The following EPSTI1 variants were observed in gnomAD, a reference collection of about 807,000 sequenced individuals.
EPSTI1 encodes epithelial-stromal interaction protein 1.
A neutral mutation model predicts 49.9 loss-of-function variants in EPSTI1; 66 were observed. The observed-to-expected ratio is 1.32, with a 90% CI of 1.08 to 1.62. The LOEUF is 1.62. Among genes scored for constraint, EPSTI1 ranks in the 40% most tolerant of loss-of-function variants. The pLI, the probability that EPSTI1 is intolerant of heterozygous loss-of-function variation, is 0.00. For missense variants in EPSTI1, 394 were observed against 365.5 expected, an observed-to-expected ratio of 1.08 and a Z score of -0.64; for synonymous variants, 137 against 130.7, an observed-to-expected ratio of 1.05 and a Z score of -0.33.
intron 6 of EPSTI1, among the ~76,000 whole-genome samples, chr13:42,938,914 C>CAAAAAAAAAAAAAAAAAAAAAAAAAAA (rs57079104): frequency 1.7e-5 from 1 of 59,676 alleles, no homozygotes; most frequent in Non-Finnish European, 2.8e-5. Flanking sequence ...GACTCTGTCT[C>CAAAAAAAAAAAAAAAAAAAAAAAAAAA]AAAAAAAAAA....
At position 42,922,752 on chromosome 13, in the gene EPSTI1, G is replaced by A. The variant is rs369484574; in HGVS notation, c.657+3584C>T. Among the ~76,000 whole-genome samples, 8 of 152,180 alleles carry A rather than the reference G, an allele frequency of 5.3e-5. No homozygotes were observed. The highest frequency in any genetic ancestry group is 3.8e-4 in the East Asian group (2 of 5,196). ...TTCTTAATGAATGAGCATGTGACAC[G>A]TAGATAAAAATTACAATAATCAACC... is the stretch of plus-strand genomic sequence containing the variant. On this transcript the variant is annotated intron_variant, in intron 7 of 10. Transcript: ENST00000313624. This position sits in a 1 kb window ranked among gnomAD's most constrained non-coding sequence, Gnocchi z 4.8.
chr13:42,916,359 A>G (rs184543392), intron 8 of EPSTI1, among the ~76,000 whole-genome samples: 262 of 152,178 alleles, frequency 1.7e-3, no homozygotes, highest in African/African-American at 5.9e-3. Flanking sequence ...TACAACTCGC[A>G]TGATTTCTTT....
chr13:42,952,667 G>A (rs1265259140), intron 6 of EPSTI1, among the ~76,000 whole-genome samples: 1 of 152,184 alleles, frequency 6.6e-6, no homozygotes, highest in Non-Finnish European at 1.5e-5. Flanking sequence ...TGATGAAAAT[G>A]AGAGTGATGC....
intron 8 of EPSTI1, among the ~76,000 whole-genome samples, chr13:42,911,727 GT>G (rs1370156531): frequency 1.2e-4 from 18 of 152,246 alleles, no homozygotes; most frequent in African/African-American, 4.3e-4. Flanking sequence ...TACCAAAGAT[GT>G]GTGCATTTGT....
intron 1 of EPSTI1, among the ~76,000 whole-genome samples, chr13:42,976,037 G>C (rs2039875535): frequency 1.3e-5 from 2 of 152,220 alleles, no homozygotes; most frequent in African/African-American, 4.8e-5. Flanking sequence ...AGAGATGTCA[G>C]GTCTGGGATT....
At chr13:42,889,315 TATGAG>T in intron 10 of EPSTI1, 1 of 931,250 alleles carries the variant, frequency 1.1e-6, no homozygotes, top group Non-Finnish European at 1.6e-6. Flanking sequence ...TGTTAAGAAA[TATGAG>T]AAGACTGATT....
At chr13:42,948,268 G>T (rs2038979220) in intron 6 of EPSTI1, among the ~76,000 whole-genome samples, 1 of 152,190 alleles carries the variant, frequency 6.6e-6, no homozygotes, top group Non-Finnish European at 1.5e-5. Context: ...TCAAGGCCTG[G>T]GCCCTGCCAG....
chr13:42,900,257 C>T (rs1049097909), intron 9 of EPSTI1, 53 bp downstream of exon 9: 1 of 1,501,292 alleles, frequency 6.7e-7, no homozygotes, highest in South Asian at 1.1e-5. Flanking sequence ...ACTGTACAAA[C>T]TTTCTAGGTA....
intron 1 of EPSTI1, among the ~76,000 whole-genome samples, chr13:42,985,904 C>T (rs903182239): frequency 6.6e-6 from 1 of 152,320 alleles, no homozygotes; most frequent in Non-Finnish European, 1.5e-5. Context: ...CCTTAAAAAC[C>T]CTTGCCCAGA....
chr13:42,972,598 A>G (rs1490314756), intron 1 of EPSTI1, among the ~76,000 whole-genome samples: 1 of 152,234 alleles, frequency 6.6e-6, no homozygotes, highest in Non-Finnish European at 1.5e-5. Flanking sequence ...TTTCAACTCA[A>G]TGTGCAAAGC....
chr13:42,930,409 T>C (rs2038322870), intron 6 of EPSTI1, among the ~76,000 whole-genome samples: 1 of 152,204 alleles, frequency 6.6e-6, no homozygotes, highest in Non-Finnish European at 1.5e-5. Flanking sequence ...TAAGTCAGTT[T>C]CACATAACTG....
intron 6 of EPSTI1, among the ~76,000 whole-genome samples, chr13:42,953,414 T>G (rs1479229394): frequency 6.6e-6 from 1 of 152,252 alleles, no homozygotes; most frequent in Non-Finnish European, 1.5e-5. Context: ...GATTACGTTA[T>G]AAAGCATGTA....
intron 9 of EPSTI1, 31 bp from the exon 10 acceptor site, chr13:42,895,139 GA>G: frequency 6.4e-7 from 1 of 1,550,972 alleles, no homozygotes. Flanking sequence ...TGTGTGAGTA[GA>G]AAACTTGCTG....
rs1177150196 is a variant in EPSTI1 at position 42,889,384 on chromosome 13, T to C, written c.916-882A>G. On this transcript the variant is annotated intron_variant, in intron 10 of 10. Transcript: ENST00000313624. The stretch of plus-strand genomic sequence containing the variant: ...TCAATCCACCTAACATACACACTTA[T>C]TGGGGGCCTACTGCTTAAGTGTCTA... 9.2e-6 allele frequency: 5 copies of C among 542,260 alleles called. No homozygotes were observed. The African/African-American group carries it at 9.8e-5, about 11-fold the overall frequency. 33.6% of individuals were successfully genotyped at this position (542,260 alleles called of 1,614,324 possible).
At chr13:42,911,264 TGCGCGCGCACGCGCGCACACGTGTGTGA>T (rs1252348384) in intron 8 of EPSTI1, among the ~76,000 whole-genome samples, 88 of 148,550 alleles carry the variant, frequency 5.9e-4, no homozygotes, top group African/African-American at 1.2e-3. Flanking sequence ...TGTGTGTGTG[TGCGCGCGCACGCGCGCACACGTGTGTGA>T]GTGTGCACAT....
chr13:42,983,478 C>T (rs1040303374), intron 1 of EPSTI1, among the ~76,000 whole-genome samples: 16 of 143,828 alleles, frequency 1.1e-4, no homozygotes, highest in African/African-American at 3.1e-4. Flanking sequence ...GCAGGGGAAT[C>T]GCTTGAAGCC....
At position 42,922,699 on chromosome 13, in the gene EPSTI1, G is replaced by T. The variant is rs1566120227; in HGVS notation, c.657+3637C>A. On this transcript the variant is annotated intron_variant, in intron 7 of 10. Coordinates refer to ENST00000313624, the MANE Select transcript of EPSTI1 (RefSeq NM_033255.5). This position sits in a 1 kb window ranked among gnomAD's most constrained non-coding sequence, Gnocchi z 4.8. ...GGAAGTGGGATTCAAGCGGCGCAAA[G>T]GGACACATGTTAAGTACTTTATTTG... Among the ~76,000 whole-genome samples the T allele has an allele frequency of 1.3e-5, 2 of 152,142 alleles. No homozygotes were observed. The highest frequency in any genetic ancestry group is 2.9e-5 in the Non-Finnish European group (2 of 68,026).
chr13:42,923,363 T>C (rs1046843796), intron 7 of EPSTI1, among the ~76,000 whole-genome samples: 3 of 152,016 alleles, frequency 2.0e-5, no homozygotes, highest in Admixed American at 6.6e-5. Flanking sequence ...GAGTTTGAGA[T>C]CACCCTGCGC....
chr13:42,889,076 G>T lies in EPSTI1; in HGVS notation c.916-574C>A. 8.3e-6 allele frequency: 6 copies of T among 723,698 alleles called. No homozygotes were observed. In the South Asian group the frequency reaches 1.0e-4, roughly 12 times the overall value. The allele number at this position is 723,698 out of a possible 1,614,324, so 44.8% of individuals were successfully genotyped here. On this transcript the variant is annotated intron_variant, in intron 10 of 10. Transcript: ENST00000313624. ...ACACTTTGAGAAATTAAAATCTCAG[G>T]TTGCCTCATTGGTCATAGGAAATGC...
Sources: allele counts gnomAD v4.1 joint callset (sites outside exome capture counted in the v4.1 genomes callset), GRCh38; gene constraint gnomAD v4.1.1; non-coding constraint Gnocchi (gnomAD v3.1); transcripts MANE v1.5; gene names NCBI Gene and HGNC (gene_info 2026-07-23, HGNC 2026-07-21).